Variants in TTLL6 observed in about 807,000 individuals in gnomAD.
TTLL6 encodes the protein tubulin tyrosine ligase like 6, also known as tubulin polyglutamylase TTLL6.
TTLL6 carries 75 observed loss-of-function variants against 96.4 expected under a neutral mutation model. That is an observed-to-expected ratio of 0.78 (90% CI 0.65 to 0.94). The LOEUF is 0.94. Ranked by LOEUF, TTLL6 falls within the 40% of genes least tolerant of loss-of-function variation. TTLL6 has a pLI of 0.00. For missense variants in TTLL6, 1,030 were observed against 1,093.0 expected, an observed-to-expected ratio of 0.94 and a Z score of 0.81; for synonymous variants, 411 against 419.4, an observed-to-expected ratio of 0.98 and a Z score of 0.24.
intron 6 of TTLL6, among the ~76,000 whole-genome samples, chr17:48,799,095 TA>T (rs1434381345): frequency 6.6e-5 from 10 of 152,210 alleles, no homozygotes; most frequent in Non-Finnish European, 1.5e-4. Flanking sequence ...ATGCTGGGAT[TA>T]TAGGCGTGAG....
intron 13 of TTLL6, among the ~76,000 whole-genome samples, chr17:48,771,546 C>T (rs992990030): frequency 1.3e-5 from 2 of 151,960 alleles, no homozygotes; most frequent in Non-Finnish European, 2.9e-5. Flanking sequence ...GCAAGAGGAT[C>T]ACTTGAGCCT....
At chr17:48,782,254 C>T (rs2039002254) in intron 13 of TTLL6, among the ~76,000 whole-genome samples, 4 of 151,910 alleles carry the variant, frequency 2.6e-5, no homozygotes, top group African/African-American at 9.7e-5. Flanking sequence ...TACAAGCGCG[C>T]ACCACCACGC....
chr17:48,791,354 C>T (rs370274919), intron 9 of TTLL6, 24 bp downstream of exon 9: 53 of 1,603,032 alleles, frequency 3.3e-5, no homozygotes, highest in East Asian at 6.7e-5. Context: ...AGTTCGTTTT[C>T]GCCCCTCGCC....
At position 48,804,924 on chromosome 17, in the gene TTLL6, GCTTTCCAAAGTCGGGCA is replaced by G. The variant is rs533233446; in HGVS notation, c.154_170del (p.Cys52ProfsTer62). ...TCTCTTCGGAGTTTTCCCCTTCCTG[GCTTTCCAAAGTCGGGCA>G]CTGTGGCATCTCCCTGGCCTGGGAG... On this transcript the variant is annotated frameshift_variant, in exon 2 of 16. Coordinates refer to ENST00000393382, the MANE Select transcript of TTLL6 (RefSeq NM_001130918.3). LOFTEE classifies it high-confidence loss of function. 0.026 allele frequency: 39,842 copies of G among 1,549,296 alleles called. 649 individuals are homozygous for G. The highest frequency in any genetic ancestry group is 0.035 in the South Asian group (2,938 of 83,996).
chr17:48,773,335 A>C (rs548893164), intron 13 of TTLL6, among the ~76,000 whole-genome samples: 6 of 152,364 alleles, frequency 3.9e-5, no homozygotes, highest in African/African-American at 1.4e-4. Flanking sequence ...TCAACTTATA[A>C]AAACAAGATC....
intron 1 of TTLL6, among the ~76,000 whole-genome samples, chr17:48,808,085 G>T (rs2039530574): frequency 6.6e-6 from 1 of 152,058 alleles, no homozygotes; most frequent in Non-Finnish European, 1.5e-5. Context: ...TGATCCGCCT[G>T]CCTCGGCCTC....
chr17:48,777,380 A>G (rs918746302), intron 13 of TTLL6, among the ~76,000 whole-genome samples: 2 of 152,188 alleles, frequency 1.3e-5, no homozygotes, highest in African/African-American at 4.8e-5. Flanking sequence ...GGATCACCTG[A>G]GGTCAGGAGT....
Position 48,799,630 on chromosome 17 carries a change from T to C in TTLL6, c.742A>G (p.Met248Val), listed in dbSNP as rs2039375804. ...TTTGAAATATACAGCTGACAGATCA[T>C]ATCCTCCCCTGGTTTGATTTCTTTC... ...TVKEIKPGED[M>V]ICQLYISKPF... Residue 248 changes from methionine (M) to valine (V), a missense_variant, in exon 6 of 16, where the codon ATG (methionine) becomes GTG (valine). Physicochemically the swap from Met to Val is conservative, Grantham distance 21 (BLOSUM62 1). Transcript: ENST00000393382. 1.3e-6 allele frequency: 2 copies of C among 1,551,892 alleles called. No individual in the cohort carries two copies. Among genetic ancestry groups the C allele is most frequent in the Admixed American group, 2.0e-5 (1 of 50,984 alleles).
chr17:48,808,638 A>C (rs1343336040), intron 1 of TTLL6, among the ~76,000 whole-genome samples: 1 of 152,042 alleles, frequency 6.6e-6, no homozygotes, highest in African/African-American at 2.4e-5. Flanking sequence ...GTGCAATCTC[A>C]GCTCACTGCA....
intron 2 of TTLL6, 59 bp from the exon 3 acceptor site, chr17:48,803,987 G>C: frequency 6.5e-7 from 1 of 1,532,962 alleles, no homozygotes; most frequent in Non-Finnish European, 8.8e-7. Context: ...CAGAACAAGT[G>C]ACTGTATCCA....
At chr17:48,809,878 G>T (rs908674822) in intron 1 of TTLL6, among the ~76,000 whole-genome samples, 1 of 151,618 alleles carries the variant, frequency 6.6e-6, no homozygotes, top group African/African-American at 2.4e-5. Flanking sequence ...GGCCGGGCGC[G>T]GTGGCTCATG....
chr17:48,816,311 A>C (rs2039666773), intron 1 of TTLL6, among the ~76,000 whole-genome samples: 2 of 151,976 alleles, frequency 1.3e-5, no homozygotes, highest in East Asian at 1.9e-4. Context: ...CAAAAAAGAA[A>C]ATATAATAAT....
At chr17:48,772,763 C>A (rs1048715297) in intron 13 of TTLL6, among the ~76,000 whole-genome samples, 44 of 150,516 alleles carry the variant, frequency 2.9e-4, no homozygotes, top group African/African-American at 1.0e-3. Context: ...AGAATGTATG[C>A]ATACAAAATT....
chr17:48,813,227 C>T (rs2039619535), intron 1 of TTLL6, among the ~76,000 whole-genome samples: 1 of 152,164 alleles, frequency 6.6e-6, no homozygotes, highest in African/African-American at 2.4e-5. Flanking sequence ...GATCTCCTAA[C>T]TCCCAAAAGC....
At chr17:48,800,453 G>A (rs150401534) in intron 5 of TTLL6, among the ~76,000 whole-genome samples, 1 of 152,208 alleles carries the variant, frequency 6.6e-6, no homozygotes, top group Non-Finnish European at 1.5e-5. Flanking sequence ...TAACTGCAAT[G>A]TTCCTCAGTA....
At chr17:48,794,471 T>C in intron 8 of TTLL6, 2 of 1,145,348 alleles carry the variant, frequency 1.7e-6, no homozygotes, top group Non-Finnish European at 2.4e-6. Flanking sequence ...CTCAGAGAGA[T>C]GAAGTAACTT....
intron 14 of TTLL6, 98 bp downstream of exon 14, chr17:48,769,630 C>A (rs564427340): frequency 2.1e-6 from 3 of 1,449,374 alleles, no homozygotes; most frequent in East Asian, 2.3e-5. Flanking sequence ...GGCTGTCCCC[C>A]CTCCAAAGAC....
chr17:48,796,982 G>A (rs771005877), intron 7 of TTLL6, 79 bp downstream of exon 7: 15 of 1,414,772 alleles, frequency 1.1e-5, no homozygotes, highest in Non-Finnish European at 1.4e-5. Context: ...ATGTCTTGAG[G>A]ATGTGGATTT....
chr17:48,784,959 C>T lies in TTLL6; in HGVS notation c.2004G>A (p.Lys668=), dbSNP rs1326933808. ...TGAATACGTTCACTGCAGAGGCAGA[C>T]TTGGCCTCCTTGATGCTGAAGTTGG... The part of the protein sequence containing the change: ...SKPNFSIKEA[K]SASAVNVFTG... Residue 668 remains lysine, a synonymous_variant, in exon 13 of 16, where the codon AAG becomes AAA. Coordinates refer to ENST00000393382, the MANE Select transcript of TTLL6 (RefSeq NM_001130918.3). 1.2e-6 allele frequency: 2 copies of T among 1,614,050 alleles called. No homozygotes were observed. The highest frequency in any genetic ancestry group is 8.5e-7 in the Non-Finnish European group (1 of 1,180,044).
Sources: allele counts gnomAD v4.1 joint callset (sites outside exome capture counted in the v4.1 genomes callset), GRCh38; gene constraint gnomAD v4.1.1; transcripts MANE v1.5; gene names NCBI Gene and HGNC (gene_info 2026-07-23, HGNC 2026-07-21).